Variants in MAGI1 observed in about 807,000 individuals in gnomAD.
The protein encoded by MAGI1 is membrane-associated guanylate kinase, WW and PDZ domain-containing protein 1.
Under a neutral mutation model 139.9 loss-of-function variants are expected in MAGI1, and 58 were observed. The observed-to-expected ratio is 0.41, with a 90% CI of 0.34 to 0.52. The LOEUF (loss-of-function observed/expected upper bound fraction) is 0.52, where lower values mean the gene tolerates loss of function less well. MAGI1 is among the 20% of genes least tolerant of loss of function. The probability of loss-of-function intolerance (pLI) is 0.12; values close to 1 mark genes in which losing one functional copy is unlikely to be tolerated. For missense variants in MAGI1, 1,874 were observed against 1,901.6 expected (o/e 0.99, Z 0.27); for synonymous variants, 812 against 737.9 (o/e 1.10, Z -1.63).
At chr3:65,582,963 T>TAAA (rs1291758544) in intron 2 of MAGI1, among the ~76,000 whole-genome samples, 1 of 152,210 alleles carries the variant, frequency 6.6e-6, no homozygotes, top group Non-Finnish European at 1.5e-5. Flanking sequence ...GATTTTAAGT[T>TAAA]ACGTAATGTT....
At chr3:65,700,325 C>T (rs753845062) in intron 1 of MAGI1, among the ~76,000 whole-genome samples, 12 of 152,002 alleles carry the variant, frequency 7.9e-5, no homozygotes, top group Non-Finnish European at 1.0e-4. Flanking sequence ...TCCTGTAATC[C>T]CAGCTACTCA....
At chr3:65,859,455 A>G (rs995541032) in intron 1 of MAGI1, among the ~76,000 whole-genome samples, 1 of 152,148 alleles carries the variant, frequency 6.6e-6, no homozygotes, top group African/African-American at 2.4e-5. Flanking sequence ...AGGGCTGGGC[A>G]TGGTGGCTCA....
chr3:65,978,482 G>A (rs1393615713), intron 1 of MAGI1, among the ~76,000 whole-genome samples: 2 of 152,064 alleles, frequency 1.3e-5, no homozygotes, highest in Non-Finnish European at 2.9e-5. Flanking sequence ...TAGCCTAGGT[G>A]GACTTCCTTT....
At chr3:65,860,043 G>A (rs1427971521) in intron 1 of MAGI1, among the ~76,000 whole-genome samples, 2 of 151,702 alleles carry the variant, frequency 1.3e-5, no homozygotes, top group Non-Finnish European at 2.9e-5. Flanking sequence ...TTACAGGCAC[G>A]CACCACCATG....
intron 1 of MAGI1, among the ~76,000 whole-genome samples, chr3:65,853,481 T>C (rs960709746): frequency 1.3e-5 from 2 of 152,196 alleles, no homozygotes; most frequent in Non-Finnish European, 2.9e-5. Flanking sequence ...AATGTTTCAA[T>C]ATCAAAAGTC....
At chr3:65,533,788 C>A (rs1052123471) in intron 2 of MAGI1, among the ~76,000 whole-genome samples, 1 of 152,134 alleles carries the variant, frequency 6.6e-6, no homozygotes, top group African/African-American at 2.4e-5. Context: ...GTGGTTAAGA[C>A]CATTTCTTGG....
chr3:65,903,026 T>C (rs1454149742), intron 1 of MAGI1, among the ~76,000 whole-genome samples: 4 of 152,074 alleles, frequency 2.6e-5, no homozygotes, highest in Non-Finnish European at 5.9e-5. Flanking sequence ...TATAACTCTG[T>C]CACCCAAGTT....
chr3:65,549,098 G>A (rs1261388657), intron 2 of MAGI1, among the ~76,000 whole-genome samples: 3 of 152,072 alleles, frequency 2.0e-5, no homozygotes, highest in Non-Finnish European at 2.9e-5. Flanking sequence ...CGGGCCCTGC[G>A]CTCCGGGGCG....
At chr3:66,022,084 A>T (rs1416607851) in intron 1 of MAGI1, among the ~76,000 whole-genome samples, 1 of 152,114 alleles carries the variant, frequency 6.6e-6, no homozygotes, top group Non-Finnish European at 1.5e-5. Context: ...ACCATGTTGT[A>T]TTAAACCCCA....
intron 18 of MAGI1, among the ~76,000 whole-genome samples, chr3:65,366,515 G>A (rs971298888): frequency 6.6e-6 from 1 of 152,156 alleles, no homozygotes; most frequent in Non-Finnish European, 1.5e-5. Flanking sequence ...AGCTGGGGAG[G>A]TGGTGTTTCT....
At chr3:65,574,774 A>C (rs981653392) in intron 2 of MAGI1, among the ~76,000 whole-genome samples, 12 of 152,102 alleles carry the variant, frequency 7.9e-5, no homozygotes, top group African/African-American at 2.9e-4. Flanking sequence ...ATATGAGTGA[A>C]ACAGAATAGA....
chr3:65,429,899 A>G lies in MAGI1; in HGVS notation c.1788T>C (p.Ser596=), dbSNP rs766693602. ...TGCCATTGACTTTGCCTGTTTTACT[A>G]CTGTGGCTAGCTGGTGAATCATAGG... The part of the protein sequence containing the change: ...QETYDSPASH[S]SKTGKVNGMK... The change falls in exon 12 of 23, where the codon AGT becomes AGC. Residue 596 remains serine (S), a synonymous_variant. Transcript: ENST00000402939. 5.0e-6 allele frequency: 8 copies of G among 1,614,048 alleles called. No individual in the cohort carries two copies. Among genetic ancestry groups the G allele is most frequent in the African/African-American group, 1.3e-5 (1 of 75,046 alleles).
intron 1 of MAGI1, among the ~76,000 whole-genome samples, chr3:65,630,072 T>G (rs973305952): frequency 1.3e-5 from 2 of 152,230 alleles, no homozygotes; most frequent in South Asian, 4.1e-4. Context: ...TTTGGTACAG[T>G]GTCCTCTGTA....
intron 1 of MAGI1, among the ~76,000 whole-genome samples, chr3:65,996,837 G>T (rs2107406604): frequency 6.6e-6 from 1 of 152,302 alleles, no homozygotes; most frequent in Middle Eastern, 3.4e-3. Flanking sequence ...TGAACTGAAG[G>T]CCCCGGGCGG....
chr3:65,923,229 T>TC (rs1172695429), intron 1 of MAGI1, among the ~76,000 whole-genome samples: 1 of 149,382 alleles, frequency 6.7e-6, no homozygotes, highest in Admixed American at 6.7e-5. Context: ...CAGACATCTT[T>TC]TTTTTTTTTT....
At chr3:65,732,905 G>A (rs953202978) in intron 1 of MAGI1, among the ~76,000 whole-genome samples, 2 of 152,196 alleles carry the variant, frequency 1.3e-5, no homozygotes, top group African/African-American at 2.4e-5. Context: ...AATGAACTAG[G>A]TGTAAAATAT....
intron 2 of MAGI1, among the ~76,000 whole-genome samples, chr3:65,499,448 G>T (rs1026048687): frequency 1.3e-5 from 2 of 152,134 alleles, no homozygotes; most frequent in African/African-American, 4.8e-5. Context: ...AGGAGATCGA[G>T]ATCATCCTGG....
At position 65,516,917 on chromosome 3, in the gene MAGI1, A is replaced by G. The variant is rs552333641; in HGVS notation, c.431-23286T>C. On this transcript the variant is annotated intron_variant, in intron 2 of 22. Transcript: ENST00000402939. ...TAATTTTTTTGTATTTTTAGTAGAG[A>G]CGGGGTTTCACCGTTTTAGCCGGGA... Among the ~76,000 whole-genome samples, 15 of 149,440 alleles carry G rather than the reference A, an allele frequency of 1.0e-4. No individual in the cohort carries two copies. The South Asian group carries it at 2.4e-3, about 24-fold the overall frequency.
At chr3:65,934,112 G>A (rs1202547445) in intron 1 of MAGI1, among the ~76,000 whole-genome samples, 1 of 152,148 alleles carries the variant, frequency 6.6e-6, no homozygotes, top group African/African-American at 2.4e-5. Flanking sequence ...GACAGAGCGA[G>A]ACTCTGTCTC....
Sources: allele counts gnomAD v4.1 joint callset (sites outside exome capture counted in the v4.1 genomes callset), GRCh38; gene constraint gnomAD v4.1.1; transcripts MANE v1.5; gene names NCBI Gene and HGNC (gene_info 2026-07-23, HGNC 2026-07-21).